The following CPA6 variants were observed in gnomAD, a reference collection of about 807,000 sequenced individuals.
CPA6 encodes the protein carboxypeptidase B.
In CPA6, 58 loss-of-function variants were observed where a neutral mutation model predicts 63.3. The observed-to-expected ratio is 0.92, with a 90% CI of 0.74 to 1.14. CPA6 has a LOEUF of 1.14. Among genes scored for constraint, CPA6 ranks in the 50% most tolerant of loss-of-function variants. CPA6 has a pLI of 0.00. For synonymous variants in CPA6, 185 were observed against 179.0 expected (o/e 1.03, Z -0.27); for missense variants, 565 against 526.6 (o/e 1.07, Z -0.71).
chr8:67,658,689 G>C (rs1816044011), intron 1 of CPA6, among the ~76,000 whole-genome samples: 1 of 152,048 alleles, frequency 6.6e-6, no homozygotes, highest in Admixed American at 6.6e-5. Flanking sequence ...AAACAGAATG[G>C]CCAACAATGA....
At chr8:67,719,190 A>C (rs1817443810) in intron 1 of CPA6, among the ~76,000 whole-genome samples, 1 of 152,194 alleles carries the variant, frequency 6.6e-6, no homozygotes, top group Admixed American at 6.5e-5. Context: ...CTTTATACTT[A>C]AGGTGCTTAG....
intron 2 of CPA6, 111 bp downstream of exon 2, chr8:67,624,065 T>C (rs544743936): frequency 1.5e-5 from 10 of 663,396 alleles, no homozygotes; most frequent in African/African-American, 7.6e-5. Flanking sequence ...GTTATCTCCT[T>C]AGCCTTTACT....
chr8:67,495,995 A>G lies in CPA6; in HGVS notation c.636+10792T>C, dbSNP rs139585299. On this transcript the variant is annotated intron_variant, in intron 6 of 10. Transcript: ENST00000297770. ...GCCTCACTAAATCTACAACGCCCAC[A>G]TATCATGCTCATTCTCAACATTAAT... Among the ~76,000 whole-genome samples the G allele has an allele frequency of 3.3e-3, 501 of 152,310 alleles. 8 individuals are homozygous for G. The highest frequency in any genetic ancestry group is 0.021 in the East Asian group (109 of 5,188).
chr8:67,738,186 A>G (rs1265482560), intron 1 of CPA6, among the ~76,000 whole-genome samples: 64 of 152,184 alleles, frequency 4.2e-4, no homozygotes, highest in Non-Finnish European at 1.5e-5. Flanking sequence ...TATCTCTAAC[A>G]TGTTCTCCCA....
chr8:67,502,253 T>A (rs914026795), intron 6 of CPA6, among the ~76,000 whole-genome samples: 1 of 152,058 alleles, frequency 6.6e-6, no homozygotes, highest in African/African-American at 2.4e-5. Context: ...AGCCTAGGAG[T>A]TTGAGATAAG....
In CPA6 at chr8:67,427,163, C is replaced by T. The variant is rs570560592; in HGVS notation, c.1126+884G>A. 1.3e-3 allele frequency among the ~76,000 whole-genome samples: 201 copies of T among 152,240 alleles called. 1 individual carries two copies. Among genetic ancestry groups the T allele is most frequent in the Admixed American group, 0.011 (173 of 15,292 alleles). ...CTATAAGAAGGGTGAGAAAATAGCC[C>T]TTTATCACCACAGACTTGAATTCAA... On this transcript the variant is annotated intron_variant, in intron 10 of 10. Transcript: ENST00000297770.
chr8:67,540,742 C>A (rs189279062), intron 2 of CPA6, among the ~76,000 whole-genome samples: 1 of 152,350 alleles, frequency 6.6e-6, no homozygotes, highest in Admixed American at 6.5e-5. Flanking sequence ...GCTACAGCAG[C>A]TTTGCAGAGC....
intron 2 of CPA6, among the ~76,000 whole-genome samples, chr8:67,557,887 G>A (rs1272864858): frequency 6.6e-6 from 1 of 152,110 alleles, no homozygotes; most frequent in Non-Finnish European, 1.5e-5. Flanking sequence ...TTGTGTCATG[G>A]CTGAGACCCT....
At chr8:67,437,582 T>C (rs1429068248) in intron 8 of CPA6, among the ~76,000 whole-genome samples, 2 of 152,064 alleles carry the variant, frequency 1.3e-5, no homozygotes, top group African/African-American at 4.8e-5. Flanking sequence ...ACAATAATCC[T>C]AACAAATATT....
At chr8:67,455,568 AG>A (rs1164982142) in intron 8 of CPA6, among the ~76,000 whole-genome samples, 2 of 149,372 alleles carry the variant, frequency 1.3e-5, no homozygotes, top group African/African-American at 4.9e-5. Context: ...AGAAAAAAAA[AG>A]GTTGAAAATT....
chr8:67,483,732 C>A, intron 8 of CPA6, 36 bp downstream of exon 8: 2 of 1,562,894 alleles, frequency 1.3e-6, no homozygotes, highest in Admixed American at 3.3e-5. Flanking sequence ...CCTGCAGAAA[C>A]CTTTGGATCT....
intron 6 of CPA6, among the ~76,000 whole-genome samples, chr8:67,492,184 T>C (rs994034809): frequency 8.5e-5 from 13 of 152,210 alleles, no homozygotes; most frequent in African/African-American, 2.9e-4. Context: ...GCTCTAAATA[T>C]GCAGCCACAG....
At chr8:67,576,983 C>A (rs1020673594) in intron 2 of CPA6, among the ~76,000 whole-genome samples, 9 of 151,974 alleles carry the variant, frequency 5.9e-5, no homozygotes, top group African/African-American at 2.2e-4. Flanking sequence ...CCTATCTTAG[C>A]CTCCCCAGTA....
At chr8:67,607,248 T>TCCTC (rs1564021530) in intron 2 of CPA6, among the ~76,000 whole-genome samples, 69 of 83,418 alleles carry the variant, frequency 8.3e-4, no homozygotes, top group Non-Finnish European at 1.3e-3. Context: ...TTCTTCTTCT[T>TCCTC]CTTCTCCTCC....
At chr8:67,633,787 A>G (rs1255201852) in intron 1 of CPA6, among the ~76,000 whole-genome samples, 3 of 152,048 alleles carry the variant, frequency 2.0e-5, no homozygotes, top group Admixed American at 6.5e-5. Flanking sequence ...TTTTACAAAC[A>G]TACTTTGAGA....
At chr8:67,741,670 G>C (rs1163327854) in intron 1 of CPA6, among the ~76,000 whole-genome samples, 2 of 152,176 alleles carry the variant, frequency 1.3e-5, no homozygotes, top group African/African-American at 2.4e-5. Flanking sequence ...TAGGTTGCAT[G>C]TTCCTTATAA....
intron 2 of CPA6, among the ~76,000 whole-genome samples, chr8:67,595,462 T>C (rs1382466470): frequency 2.0e-5 from 3 of 152,206 alleles, no homozygotes; most frequent in African/African-American, 7.2e-5. Context: ...TGTCTTTTTG[T>C]TTGTCTGTGC....
intron 2 of CPA6, among the ~76,000 whole-genome samples, chr8:67,620,433 C>T (rs1442350177): frequency 6.6e-6 from 1 of 152,118 alleles, no homozygotes; most frequent in Non-Finnish European, 1.5e-5. Flanking sequence ...TTGGGGCTAT[C>T]TTAGAATTCT....
intron 2 of CPA6, among the ~76,000 whole-genome samples, chr8:67,554,409 T>C (rs1399795338): frequency 6.6e-6 from 1 of 152,180 alleles, no homozygotes; most frequent in Non-Finnish European, 1.5e-5. Context: ...CTCACTGTCA[T>C]GAGGGCAGCA....
Sources: gnomAD v4.1 joint callset for allele counts (sites outside exome capture counted in the v4.1 genomes callset) on GRCh38, gnomAD v4.1.1 for gene constraint, MANE v1.5 for transcripts, NCBI Gene and HGNC (gene_info 2026-07-23, HGNC 2026-07-21) for gene names.